CFAP61: variants seen among roughly 807,000 people sequenced by gnomAD.
CFAP61 encodes cilia- and flagella-associated protein 61.
A neutral mutation model predicts 135.6 loss-of-function variants in CFAP61; 107 were observed. The ratio of observed to expected loss-of-function variants is 0.79; its 90% CI spans 0.67 to 0.93. The LOEUF (loss-of-function observed/expected upper bound fraction) is 0.93, where lower values mean the gene tolerates loss of function less well. CFAP61 is among the 40% of genes least tolerant of loss of function. The pLI is 0.00. For synonymous variants in CFAP61, 575 were observed against 578.5 expected, an observed-to-expected ratio of 0.99 and a Z score of 0.09; for missense variants, 1,507 against 1,556.2, an observed-to-expected ratio of 0.97 and a Z score of 0.53.
chr20:20,078,196 A>G (rs532408885), intron 6 of CFAP61, among the ~76,000 whole-genome samples: 1 of 152,338 alleles, frequency 6.6e-6, no homozygotes, highest in African/African-American at 2.4e-5. Flanking sequence ...GGGAAAGTAT[A>G]ATGAGGCATG....
At chr20:20,269,502 G>A (rs1356459673) in intron 21 of CFAP61, among the ~76,000 whole-genome samples, 1 of 151,960 alleles carries the variant, frequency 6.6e-6, no homozygotes, top group African/African-American at 2.4e-5. Context: ...CTCCTGAGAA[G>A]CTCAGATTAC....
In CFAP61 at chr20:20,359,838, T is replaced by A. The variant is rs2059410797; in HGVS notation, c.3514-372T>A. 6.6e-6 allele frequency among the ~76,000 whole-genome samples: 1 copy of A among 152,166 alleles called. No homozygotes were observed. Among genetic ancestry groups the A allele is most frequent in the African/African-American group, 2.4e-5 (1 of 41,438 alleles). ...ACTACAGGGTTCCACTCATATGAGA[T>A]GCCTGCGTAGTCACATTCATAGAGA... On this transcript the variant is annotated intron_variant, in intron 26 of 26. Coordinates refer to ENST00000245957, the MANE Select transcript of CFAP61 (RefSeq NM_015585.4). This position sits in a 1 kb window ranked among gnomAD's most constrained non-coding sequence, Gnocchi z 4.0.
Position 20,251,592 on chromosome 20 carries a change from C to T in CFAP61, c.2160-3C>T, listed in dbSNP as rs2050915767. ...GTCACTTACGGAGCTTCTCTCTTTG[C>T]AGCCACTGTTTTAATGATAAAGATT... On this transcript the variant is annotated splice_polypyrimidine_tract_variant and splice_region_variant and intron_variant, in intron 19 of 26. Coordinates refer to ENST00000245957, the MANE Select transcript of CFAP61 (RefSeq NM_015585.4). 6.2e-7 allele frequency: 1 copy of T among 1,613,544 alleles called. No individual in the cohort carries two copies. The highest frequency in any genetic ancestry group is 1.7e-5 in the Admixed American group (1 of 59,998).
At chr20:20,195,143 C>A (rs1204372421) in intron 15 of CFAP61, among the ~76,000 whole-genome samples, 5 of 152,158 alleles carry the variant, frequency 3.3e-5, no homozygotes, top group Non-Finnish European at 7.3e-5. Flanking sequence ...AGGGTTCCGC[C>A]ACTGGCCCGG....
intron 26 of CFAP61, 110 bp from the exon 27 acceptor site, chr20:20,360,100 G>A: frequency 2.6e-6 from 2 of 778,796 alleles, no homozygotes; most frequent in Non-Finnish European, 4.3e-6. Context: ...GAAAAAAAAT[G>A]ACCATCCTTG....
At chr20:20,201,400 C>T (rs1314669090) in intron 17 of CFAP61, among the ~76,000 whole-genome samples, 1 of 152,208 alleles carries the variant, frequency 6.6e-6, no homozygotes, top group Non-Finnish European at 1.5e-5. Flanking sequence ...TCCCCTTTCT[C>T]CTATATCATT....
intron 25 of CFAP61, among the ~76,000 whole-genome samples, chr20:20,337,734 T>G (rs2058290169): frequency 6.6e-6 from 1 of 152,110 alleles, no homozygotes; most frequent in African/African-American, 2.4e-5. Context: ...CGTCCCACCA[T>G]GGAAGAGGTC....
chr20:20,294,784 C>T (rs558491219), intron 24 of CFAP61, among the ~76,000 whole-genome samples: 6 of 151,122 alleles, frequency 4.0e-5, no homozygotes, highest in South Asian at 4.2e-4. Context: ...AAAAATTAGC[C>T]GGGCGCGGTG....
rs186766975 is a variant in CFAP61 at position 20,245,387 on chromosome 20, C to T, written c.2061-730C>T. ...GTGGAAGGCAAAGAGGAACAAGTCA[C>T]GTCTTATATGGATGGCAGCAGGCAA... is the stretch of plus-strand genomic sequence containing the variant. On this transcript the variant is annotated intron_variant, in intron 18 of 26. Coordinates refer to ENST00000245957, the MANE Select transcript of CFAP61 (RefSeq NM_015585.4). Among the ~76,000 whole-genome samples, 6 of 152,290 alleles carry T rather than the reference C, an allele frequency of 3.9e-5. No individual in the cohort carries two copies. In the East Asian group the frequency reaches 9.6e-4, roughly 24 times the overall value.
chr20:20,124,355 A>G (rs1469330989), intron 8 of CFAP61, among the ~76,000 whole-genome samples: 1 of 151,572 alleles, frequency 6.6e-6, no homozygotes, highest in Non-Finnish European at 1.5e-5. Flanking sequence ...TCCCCATTCA[A>G]TATCATGTTG....
intron 13 of CFAP61, among the ~76,000 whole-genome samples, chr20:20,175,477 G>GT (rs1371727165): frequency 7.5e-5 from 11 of 145,698 alleles, no homozygotes; most frequent in Admixed American, 6.1e-4. Context: ...GGGGCTTCTG[G>GT]TTTTTTTTTT....
chr20:20,161,620 T>C (rs1370782319), intron 10 of CFAP61, among the ~76,000 whole-genome samples: 2 of 152,040 alleles, frequency 1.3e-5, no homozygotes, highest in Non-Finnish European at 2.9e-5. Flanking sequence ...GGGTGAGGAA[T>C]TGGGCTGAAA....
chr20:20,237,918 T>C (rs536533444), intron 18 of CFAP61, among the ~76,000 whole-genome samples: 30 of 152,362 alleles, frequency 2.0e-4, no homozygotes, highest in Non-Finnish European at 3.7e-4. Context: ...AATAATACAA[T>C]GTGTGGTGTT....
intron 2 of CFAP61, among the ~76,000 whole-genome samples, chr20:20,060,302 A>G (rs960898699): frequency 5.3e-5 from 8 of 152,218 alleles, no homozygotes; most frequent in Admixed American, 4.6e-4. Context: ...TCATTTGCCA[A>G]TAAACTCTGA....
At chr20:20,141,337 A>C (rs2051384026) in intron 8 of CFAP61, among the ~76,000 whole-genome samples, 1 of 152,232 alleles carries the variant, frequency 6.6e-6, no homozygotes, top group South Asian at 2.1e-4. Flanking sequence ...ATAAGCCTAA[A>C]AAGCATCCTG....
intron 25 of CFAP61, among the ~76,000 whole-genome samples, chr20:20,317,784 G>A (rs930650388): frequency 7.9e-5 from 12 of 152,070 alleles, no homozygotes; most frequent in African/African-American, 2.7e-4. Flanking sequence ...AGAGTTTCAC[G>A]GCATTAATAA....
At position 20,188,056 on chromosome 20, in the gene CFAP61, TGTAA is replaced by T; in HGVS notation, c.1512+4_1512+7del. ...GTTACAACAAGGCTCGCAAAGACCC[TGTAA>T]GTACCTGTTGTGACCAGACCTCAGG... On this transcript the variant is annotated splice_donor_variant and splice_donor_region_variant and intron_variant, in intron 14 of 26. Coordinates refer to ENST00000245957, the MANE Select transcript of CFAP61 (RefSeq NM_015585.4). LOFTEE classifies it high-confidence loss of function. 1.2e-6 allele frequency: 2 copies of T among 1,614,184 alleles called. No individual in the cohort carries two copies. Among genetic ancestry groups the T allele is most frequent in the South Asian group, 1.1e-5 (1 of 91,078 alleles).
chr20:20,128,393 G>T (rs962257535), intron 8 of CFAP61, among the ~76,000 whole-genome samples: 2 of 151,636 alleles, frequency 1.3e-5, no homozygotes, highest in Admixed American at 6.6e-5. Context: ...ATTTCGCTCA[G>T]CTCTCTAAAT....
intron 8 of CFAP61, among the ~76,000 whole-genome samples, chr20:20,125,770 G>A (rs2050022864): frequency 6.6e-6 from 1 of 151,776 alleles, no homozygotes; most frequent in South Asian, 2.1e-4. Flanking sequence ...TTGCTTCTTT[G>A]TTGACTTTTT....
Sources: gnomAD v4.1 joint callset for allele counts (sites outside exome capture counted in the v4.1 genomes callset) on GRCh38, gnomAD v4.1.1 for gene constraint, Gnocchi (gnomAD v3.1) non-coding constraint, MANE v1.5 for transcripts, NCBI Gene and HGNC (gene_info 2026-07-23, HGNC 2026-07-21) for gene names.